Variants in OR2AK2 observed in about 807,000 individuals in gnomAD.
OR2AK2 encodes the protein olfactory receptor 2AK2.
For synonymous variants in OR2AK2, 139 were observed against 147.2 expected, an observed-to-expected ratio of 0.94 and a Z score of 0.40; for missense variants, 392 against 384.1, an observed-to-expected ratio of 1.02 and a Z score of -0.17.
exon 1 of OR2AK2, chr1:247,965,491 C>G (rs1243224056): frequency 1.2e-6 from 2 of 1,613,542 alleles, no homozygotes; most frequent in Non-Finnish European, 8.5e-7. Flanking sequence ...TACAGTTGCT[C>G]TGACAGGAAA....
exon 1 of OR2AK2, chr1:247,966,103 T>G (rs1660965718): frequency 6.2e-7 from 1 of 1,613,986 alleles, no homozygotes; most frequent in African/African-American, 1.3e-5. Flanking sequence ...CACTTGTTCC[T>G]CCCACCTGAT....
exon 1 of OR2AK2, chr1:247,965,453 T>C (rs1660944872): frequency 6.2e-7 from 1 of 1,613,860 alleles, no homozygotes. Flanking sequence ...ATAAACTCTC[T>C]TCTCTTTGTC....
At chr1:247,966,136 A>G (rs749316861) in exon 1 of OR2AK2, 1 of 1,614,082 alleles carries the variant, frequency 6.2e-7, no homozygotes, top group Non-Finnish European at 8.5e-7. Context: ...GTTCTATGCA[A>G]CCACTCTCTT....
At position 247,966,014 on chromosome 1, in the gene OR2AK2, C is replaced by T. The variant is rs781537668; in HGVS notation, c.638C>T (p.Ala213Val). Residue 213 changes from alanine (A) to valine (V), a missense_variant, in exon 1 of 1, where the codon GCC becomes GTC. Coordinates refer to ENST00000366480, the Ensembl canonical transcript of OR2AK2. ...ATTATCTTGCTACTACCATTCCTAG[C>T]CATTCTGGCTTCCTATGCTCGTGTG... The T allele has an allele frequency of 3.1e-6, 5 of 1,613,516 alleles. No homozygotes were observed. In the South Asian group the frequency reaches 4.4e-5, roughly 14 times the overall value.
rs753408812 is a variant in OR2AK2, at chr1:247,965,950, A to T, written c.574A>T (p.Thr192Ser). 20 of 1,608,366 alleles carry T rather than the reference A, an allele frequency of 1.2e-5. No individual in the cohort carries two copies. Among genetic ancestry groups the T allele is most frequent in the Non-Finnish European group, 1.5e-5 (18 of 1,177,004 alleles). ...TCTACTATCATTGGTGTGTCAGGAC[A>T]CCTCCCAGTATGAGTATACAGTCCT... The change falls in exon 1 of 1, where the codon ACC (threonine) becomes TCC (serine). Residue 192 changes from threonine (T) to serine (S), a missense_variant. By Grantham distance (58) the Thr-to-Ser change is moderately conservative. Transcript: ENST00000366480.
At chr1:247,965,318 G>T in exon 1 of OR2AK2, 2 of 1,521,038 alleles carry the variant, frequency 1.3e-6, no homozygotes, top group Non-Finnish European at 1.8e-6. Flanking sequence ...CTTAAGGGAA[G>T]TCAACATTAT....
At chr1:247,965,587 C>G in exon 1 of OR2AK2, 6 of 1,590,962 alleles carry the variant, frequency 3.8e-6, no homozygotes, top group Non-Finnish European at 5.1e-6. Context: ...CATCGTTGAC[C>G]TCATGTACAT....
At chr1:247,965,503 A>G in exon 1 of OR2AK2, 1 of 1,613,664 alleles carries the variant, frequency 6.2e-7, no homozygotes, top group Non-Finnish European at 8.5e-7. Context: ...GACAGGAAAT[A>G]TCATGCTGAT....
exon 1 of OR2AK2, chr1:247,966,077 A>G: frequency 6.2e-7 from 1 of 1,614,212 alleles, no homozygotes; most frequent in East Asian, 2.2e-5. Flanking sequence ...GGAAAAGGAC[A>G]GGCAAAAGCT....
At chr1:247,965,439 C>G (rs1423391861) in exon 1 of OR2AK2, 2 of 1,613,390 alleles carry the variant, frequency 1.2e-6, no homozygotes, top group Non-Finnish European at 8.5e-7. Flanking sequence ...TCCAATATGG[C>G]TGGATAAACT....
At chr1:247,966,252 G>C (rs1396316502) in exon 1 of OR2AK2, 4 of 1,612,998 alleles carry the variant, frequency 2.5e-6, no homozygotes, top group Middle Eastern at 3.3e-4. Context: ...TCTACAGCCT[G>C]AGAAATAAGG....
exon 1 of OR2AK2, chr1:247,965,419 G>C (rs1660943391): frequency 6.2e-7 from 1 of 1,612,872 alleles, no homozygotes; most frequent in Non-Finnish European, 8.5e-7. Flanking sequence ...TTTTCTACTT[G>C]TTGGTCTTTT....
chr1:247,966,367 TC>T, exon 1 of OR2AK2: 1 of 1,573,358 alleles, frequency 6.4e-7, no homozygotes, highest in East Asian at 2.2e-5. Context: ...AAAAAGCTGT[TC>T]CTGAAAACTA....
chr1:247,965,337 C>T (rs1367886661), exon 1 of OR2AK2: 1 of 1,555,472 alleles, frequency 6.4e-7, no homozygotes, highest in Non-Finnish European at 8.7e-7. Flanking sequence ...ATTACATGAA[C>T]ATTTCAGATG....
exon 1 of OR2AK2, chr1:247,965,385 A>C: frequency 6.2e-7 from 1 of 1,609,200 alleles, no homozygotes; most frequent in Non-Finnish European, 8.5e-7. Flanking sequence ...CCATGAAAAC[A>C]GGAAATCAAA....
exon 1 of OR2AK2, chr1:247,966,242 T>G: frequency 6.2e-7 from 1 of 1,613,304 alleles, no homozygotes; most frequent in African/African-American, 1.3e-5. Flanking sequence ...AACCCATTTA[T>G]CTACAGCCTG....
chr1:247,965,921 C>T, exon 1 of OR2AK2: 1 of 1,611,808 alleles, frequency 6.2e-7, no homozygotes, highest in Non-Finnish European at 8.5e-7. Context: ...TGTGAAGTTC[C>T]AGCTCTACTA....
At chr1:247,966,109 C>G in exon 1 of OR2AK2, 1 of 1,614,096 alleles carries the variant, frequency 6.2e-7, no homozygotes, top group Non-Finnish European at 8.5e-7. Flanking sequence ...TTCCTCCCAC[C>G]TGATTGTGGC....
At chr1:247,965,863 G>A (rs767406039) in exon 1 of OR2AK2, 13 of 1,613,700 alleles carry the variant, frequency 8.1e-6, no homozygotes, top group East Asian at 4.5e-5. Context: ...TACATTGTAT[G>A]TGTTTCAGCT....
Sources: gnomAD v4.1 joint callset for allele counts on GRCh38, gnomAD v4.1.1 for gene constraint, MANE v1.5 for transcripts, NCBI Gene and HGNC (gene_info 2026-07-23, HGNC 2026-07-21) for gene names.